PWWP2A: variants seen among roughly 807,000 people sequenced by gnomAD.
The protein encoded by PWWP2A is PWWP domain containing 2A.
A neutral mutation model predicts 48.5 loss-of-function variants in PWWP2A; 18 were observed. The ratio of observed to expected loss-of-function variants is 0.37; its 90% CI spans 0.26 to 0.55. The LOEUF (loss-of-function observed/expected upper bound fraction) is 0.55. PWWP2A is among the 20% of genes least tolerant of loss of function. PWWP2A has a pLI of 0.81. For missense variants in PWWP2A, 867 were observed against 976.4 expected, an observed-to-expected ratio of 0.89 and a Z score of 1.49; for synonymous variants, 396 against 387.7, an observed-to-expected ratio of 1.02 and a Z score of -0.25.
chr5:160,100,885 T>C (rs1224266705), intron 1 of PWWP2A, among the ~76,000 whole-genome samples: 1 of 152,210 alleles, frequency 6.6e-6, no homozygotes, highest in Non-Finnish European at 1.5e-5. Context: ...TCTGGGTACA[T>C]ATCCAAAAGA....
At chr5:160,053,427 G>T in the PWWP2A span, among the ~76,000 whole-genome samples, 1 of 152,078 alleles carries the variant, frequency 6.6e-6, no homozygotes, top group Non-Finnish European at 1.5e-5. Context: ...AGCCAGGTGT[G>T]CTGGTGTGCA....
chr5:160,100,137 C>T (rs948343580), intron 1 of PWWP2A, among the ~76,000 whole-genome samples: 3 of 151,408 alleles, frequency 2.0e-5, no homozygotes, highest in Non-Finnish European at 4.4e-5. Flanking sequence ...CCCATCTCTA[C>T]TAAAAATACA....
chr5:160,068,362 G>A (rs1401512015), intron 2 of PWWP2A, among the ~76,000 whole-genome samples: 1 of 152,230 alleles, frequency 6.6e-6, no homozygotes. Flanking sequence ...CACTCTAGGA[G>A]GCTGAGGCAG....
At chr5:160,114,933 G>A (rs1461740908) in intron 1 of PWWP2A, among the ~76,000 whole-genome samples, 2 of 151,388 alleles carry the variant, frequency 1.3e-5, no homozygotes, top group South Asian at 2.1e-4. Flanking sequence ...TCAGGAGTTC[G>A]AGACCAGCCT....
intron 3 of PWWP2A, among the ~76,000 whole-genome samples, chr5:160,079,035 G>C (rs977286021): frequency 6.6e-6 from 1 of 152,038 alleles, no homozygotes; most frequent in Non-Finnish European, 1.5e-5. Context: ...TCTCAAACCT[G>C]GAAACCCAAG....
downstream of PWWP2A, chr5:160,089,413 T>C: frequency 3.9e-6 from 2 of 507,300 alleles, no homozygotes; most frequent in South Asian, 2.1e-5. Context: ...CGGGGGTCTA[T>C]GTTGCCCAGA....
At chr5:160,114,946 C>A (rs910482076) in intron 1 of PWWP2A, among the ~76,000 whole-genome samples, 1 of 151,814 alleles carries the variant, frequency 6.6e-6, no homozygotes, top group African/African-American at 2.4e-5. Flanking sequence ...ACCAGCCTGG[C>A]CAATATGGTG....
chr5:160,079,732 C>A (rs932125273), intron 3 of PWWP2A, among the ~76,000 whole-genome samples: 1 of 152,200 alleles, frequency 6.6e-6, no homozygotes, highest in African/African-American at 2.4e-5. Flanking sequence ...TCAAACAGAT[C>A]TTACTATTCC....
chr5:160,085,945 A>G (rs564856550), intron 2 of PWWP2A, among the ~76,000 whole-genome samples: 18 of 151,796 alleles, frequency 1.2e-4, no homozygotes, highest in Non-Finnish European at 1.3e-4. Flanking sequence ...CAGCCTCCTG[A>G]GCAGCTGGGA....
intron 3 of PWWP2A, among the ~76,000 whole-genome samples, chr5:160,079,258 T>C (rs535054831): frequency 1.9e-4 from 29 of 152,112 alleles, no homozygotes; most frequent in South Asian, 1.9e-3. Context: ...TTGACAGAAC[T>C]GACTTGATTT....
intron 2 of PWWP2A, among the ~76,000 whole-genome samples, chr5:160,083,488 C>T (rs987772665): frequency 2.6e-5 from 4 of 152,156 alleles, no homozygotes; most frequent in East Asian, 1.9e-4. Flanking sequence ...TTCCTCCATA[C>T]GGCAAAACAT....
chr5:160,069,893 T>A (rs987811907), intron 2 of PWWP2A, among the ~76,000 whole-genome samples: 14 of 152,320 alleles, frequency 9.2e-5, no homozygotes, highest in African/African-American at 3.4e-4. Flanking sequence ...AACTTTTCCT[T>A]TCGTTTCAGT....
chr5:160,045,708 C>T, the PWWP2A span, among the ~76,000 whole-genome samples: 6 of 151,810 alleles, frequency 4.0e-5, 1 homozygote, highest in South Asian at 4.2e-4. Context: ...TACAGGTGCA[C>T]GCCACCACAC....
chr5:160,083,959 G>C (rs1166606896), intron 2 of PWWP2A, among the ~76,000 whole-genome samples: 1 of 152,194 alleles, frequency 6.6e-6, no homozygotes, highest in Non-Finnish European at 1.5e-5. Context: ...ATTAAAACTA[G>C]TGAGTCCATG....
chr5:160,103,439 T>C (rs184618443), intron 1 of PWWP2A, among the ~76,000 whole-genome samples: 10 of 152,226 alleles, frequency 6.6e-5, no homozygotes, highest in Admixed American at 6.5e-4. Context: ...AAAAAACAAG[T>C]ATGCTAACTG....
At chr5:160,045,188 G>A in the PWWP2A span, among the ~76,000 whole-genome samples, 2 of 152,124 alleles carry the variant, frequency 1.3e-5, no homozygotes, top group Non-Finnish European at 2.9e-5. Flanking sequence ...AGCATGGTAT[G>A]TTGTAAGAAA....
At chr5:160,046,070 T>C in the PWWP2A span, among the ~76,000 whole-genome samples, 51 of 152,304 alleles carry the variant, frequency 3.3e-4, no homozygotes, top group South Asian at 0.01. Context: ...GAAAACCTTC[T>C]CCTGACCCAA....
intron 4 of PWWP2A, chr5:160,065,183 T>A (rs1753568682): frequency 7.2e-7 from 1 of 1,393,580 alleles, no homozygotes; most frequent in Admixed American, 1.9e-5. Context: ...AGAAAGGCTA[T>A]CCAGTAGAGC....
chr5:160,116,230 T>A (rs1290240171), intron 1 of PWWP2A, among the ~76,000 whole-genome samples: 1 of 152,074 alleles, frequency 6.6e-6, no homozygotes, highest in Non-Finnish European at 1.5e-5. Context: ...AAGTTTTATA[T>A]TTTTTTCGTA....
Sources: gnomAD v4.1 joint callset for allele counts (sites outside exome capture counted in the v4.1 genomes callset) on GRCh38, gnomAD v4.1.1 for gene constraint, MANE v1.5 for transcripts, NCBI Gene and HGNC (gene_info 2026-07-23, HGNC 2026-07-21) for gene names.